The following EGFR variants were observed in gnomAD, a reference collection of about 807,000 sequenced individuals.
EGFR encodes epidermal growth factor receptor.
A neutral mutation model predicts 143.0 loss-of-function variants in EGFR; 58 were observed. That is an observed-to-expected ratio of 0.41 (90% confidence interval 0.33 to 0.50). The LOEUF is 0.50. Among genes scored for constraint, EGFR ranks in the 20% least tolerant of loss-of-function variants. The probability of loss-of-function intolerance (pLI) is 0.39; values close to 1 mark genes in which losing one functional copy is unlikely to be tolerated. For missense variants in EGFR, 1,307 were observed against 1,579.0 expected, an observed-to-expected ratio of 0.83 and a Z score of 2.92; for synonymous variants, 613 against 594.4, an observed-to-expected ratio of 1.03 and a Z score of -0.45.
intron 1 of EGFR, among the ~76,000 whole-genome samples, chr7:55,066,035 G>C (rs532109786): frequency 6.6e-6 from 1 of 151,956 alleles, no homozygotes; most frequent in Non-Finnish European, 1.5e-5. Context: ...GTTTTTCCTC[G>C]CAGTGACTAC....
chr7:55,024,202 G>A (rs906317052), intron 1 of EGFR, among the ~76,000 whole-genome samples: 2 of 152,198 alleles, frequency 1.3e-5, no homozygotes, highest in African/African-American at 4.8e-5. Context: ...TGAGCCCCTA[G>A]AAAGTAAGTG....
At chr7:55,108,719 C>T (rs1792284965) in intron 1 of EGFR, among the ~76,000 whole-genome samples, 2 of 152,122 alleles carry the variant, frequency 1.3e-5, no homozygotes, top group African/African-American at 4.8e-5. Context: ...TCGATTTAAT[C>T]TGTAGGACTC....
At chr7:55,023,696 A>AT (rs1218594879) in intron 1 of EGFR, among the ~76,000 whole-genome samples, 9 of 149,394 alleles carry the variant, frequency 6.0e-5, no homozygotes, top group Admixed American at 2.0e-4. Context: ...GATCCATTCC[A>AT]TTTTTGTTTT....
chr7:55,059,483 C>A (rs1789038948), intron 1 of EGFR, among the ~76,000 whole-genome samples: 1 of 151,880 alleles, frequency 6.6e-6, no homozygotes, highest in South Asian at 2.1e-4. Flanking sequence ...TTCACTAAAG[C>A]CCACAGGTTG....
At chr7:55,144,857 T>C (rs906004642) in intron 3 of EGFR, among the ~76,000 whole-genome samples, 2 of 152,112 alleles carry the variant, frequency 1.3e-5, no homozygotes, top group African/African-American at 4.8e-5. Context: ...TCCCTCCGTG[T>C]CTCTGTTTCG....
chr7:55,118,548 C>A (rs1041564278), intron 1 of EGFR, among the ~76,000 whole-genome samples: 2 of 152,196 alleles, frequency 1.3e-5, no homozygotes, highest in African/African-American at 4.8e-5. Context: ...AGTCATTCAA[C>A]AAACACGTGT....
intron 1 of EGFR, among the ~76,000 whole-genome samples, chr7:55,024,387 C>A (rs535528789): frequency 6.6e-6 from 1 of 152,302 alleles, no homozygotes; most frequent in South Asian, 2.1e-4. Flanking sequence ...TAGAATTTCT[C>A]TCTCTGATCC....
intron 1 of EGFR, among the ~76,000 whole-genome samples, chr7:55,020,143 C>T (rs1786455504): frequency 6.6e-6 from 1 of 152,240 alleles, no homozygotes; most frequent in South Asian, 2.1e-4. Flanking sequence ...GTCCGACCCG[C>T]CCCTTGGGCG....
At chr7:55,026,671 T>C (rs997785102) in intron 1 of EGFR, among the ~76,000 whole-genome samples, 11 of 152,074 alleles carry the variant, frequency 7.2e-5, no homozygotes, top group African/African-American at 2.7e-4. Context: ...TGCCCCAAGA[T>C]AAACTTGCCT....
chr7:55,120,839 A>G (rs1440170025), intron 1 of EGFR, among the ~76,000 whole-genome samples: 1 of 152,244 alleles, frequency 6.6e-6, no homozygotes, highest in Admixed American at 6.5e-5. Context: ...AGACATTGTT[A>G]ACATTGCTTA....
At chr7:55,146,585 C>T (rs561106162) in intron 3 of EGFR, 21 bp from the exon 4 acceptor site, 17 of 1,613,812 alleles carry the variant, frequency 1.1e-5, no homozygotes, top group South Asian at 8.8e-5. Flanking sequence ...GAGTGCTCAC[C>T]GCAGTTCCAT....
chr7:55,161,801 T>C (rs900516439), intron 13 of EGFR, among the ~76,000 whole-genome samples, 170 bp downstream of exon 13: 2 of 152,268 alleles, frequency 1.3e-5, no homozygotes, highest in East Asian at 1.9e-4. Flanking sequence ...TTGATTGCGT[T>C]ATTTTTGGCA....
chr7:55,204,439 C>T (rs1788014418), intron 27 of EGFR, among the ~76,000 whole-genome samples: 1 of 150,776 alleles, frequency 6.6e-6, no homozygotes, highest in African/African-American at 2.4e-5. Flanking sequence ...CATGTACACA[C>T]ACACCACATA....
intron 1 of EGFR, among the ~76,000 whole-genome samples, chr7:55,080,543 G>C (rs1006694759): frequency 1.5e-4 from 23 of 152,294 alleles, no homozygotes; most frequent in Non-Finnish European, 3.2e-4. Flanking sequence ...GGCTGGGAAG[G>C]TGTGAGCTTG....
intron 1 of EGFR, among the ~76,000 whole-genome samples, chr7:55,091,680 T>C (rs1584015871): frequency 6.6e-6 from 1 of 152,166 alleles, no homozygotes; most frequent in East Asian, 1.9e-4. Flanking sequence ...TCCTGACTAG[T>C]GGCAAGCCGG....
chr7:55,185,736 C>T (rs141897835), intron 20 of EGFR, among the ~76,000 whole-genome samples: 75 of 152,296 alleles, frequency 4.9e-4, no homozygotes, highest in East Asian at 3.5e-3. Context: ...GAACAACGCA[C>T]GGTAGCGGTG....
intron 1 of EGFR, among the ~76,000 whole-genome samples, chr7:55,064,190 A>C (rs1789364553): frequency 6.6e-6 from 1 of 152,242 alleles, no homozygotes; most frequent in Non-Finnish European, 1.5e-5. Context: ...GTTATAGATT[A>C]ATGCTTAAAA....
intron 4 of EGFR, among the ~76,000 whole-genome samples, chr7:55,148,317 G>T (rs1562758431): frequency 6.6e-6 from 1 of 151,926 alleles, no homozygotes; most frequent in East Asian, 1.9e-4. Context: ...GCCAGTGTTT[G>T]CCATGGATCA....
intron 20 of EGFR, among the ~76,000 whole-genome samples, chr7:55,189,462 C>T (rs1053328602): frequency 1.3e-5 from 2 of 152,128 alleles, no homozygotes; most frequent in Non-Finnish European, 2.9e-5. Context: ...TTCAACAGGC[C>T]GTTTTAAAAA....
Sources: gnomAD v4.1 joint callset for allele counts (sites outside exome capture counted in the v4.1 genomes callset) on GRCh38, gnomAD v4.1.1 for gene constraint, MANE v1.5 for transcripts, NCBI Gene and HGNC (gene_info 2026-07-23, HGNC 2026-07-21) for gene names.